The following ATG4A variants were observed in gnomAD, a reference collection of about 807,000 sequenced individuals.
The protein encoded by ATG4A is cysteine protease ATG4A.
A neutral mutation model predicts 38.4 loss-of-function variants in ATG4A; 22 were observed. The ratio of observed to expected loss-of-function variants is 0.57; its 90% CI spans 0.41 to 0.82. The LOEUF is 0.82. Among genes scored for constraint, ATG4A ranks in the 40% least tolerant of loss-of-function variants. ATG4A has a pLI of 0.00. For missense variants in ATG4A, 220 were observed against 290.0 expected, an observed-to-expected ratio of 0.76 and a Z score of 1.75; for synonymous variants, 86 against 100.7, an observed-to-expected ratio of 0.85 and a Z score of 0.88.
intron 1 of ATG4A, among the ~76,000 whole-genome samples, chrX:108,092,430 G>A (rs2031660029): frequency 8.9e-6 from 1 of 112,516 alleles, no homozygotes; most frequent in African/African-American, 3.2e-5. Flanking sequence ...CATAGCAGAA[G>A]CAATGCAAGA....
intron 1 of ATG4A, among the ~76,000 whole-genome samples, chrX:108,113,651 T>C (rs1474111880): frequency 9.0e-6 from 1 of 111,392 alleles, no homozygotes; most frequent in Non-Finnish European, 1.9e-5. Context: ...TCCACATGGC[T>C]GGGGAGGTCT....
intron 9 of ATG4A, among the ~76,000 whole-genome samples, chrX:108,149,139 T>C (rs913187679): frequency 1.8e-5 from 2 of 113,229 alleles, no homozygotes; most frequent in Non-Finnish European, 3.7e-5. Flanking sequence ...CAGAAACATG[T>C]AGATGTGCCC....
At position 108,137,159 on chromosome X, in the gene ATG4A, T is replaced by C; in HGVS notation, c.536T>C (p.Ile179Thr). 1 of 1,204,370 alleles carries C rather than the reference T, an allele frequency of 8.3e-7. No homozygotes were observed. Among genetic ancestry groups the C allele is most frequent in the Non-Finnish European group, 1.1e-6 (1 of 890,324 alleles). The change falls in exon 7 of 13, where the codon ATT (isoleucine) becomes ACT (threonine). Residue 179 changes from isoleucine (I) to threonine (T), a missense_variant. This residue lies in a region of ATG4A where 159 missense variants were observed against 188.9 expected (regional missense o/e 0.84). Transcript: ENST00000372232. ...GTTTCAATGGATAACACAGTGGTCA[T>C]TGAAGATATCAGTGAGTTACCAGCC... ...VYVSMDNTVV[I>T]EDIKKMCRVL... is the part of the protein sequence containing the mutation.
At chrX:108,135,288 G>T (rs139699024) in intron 6 of ATG4A, among the ~76,000 whole-genome samples, 26 of 112,341 alleles carry the variant, frequency 2.3e-4, no homozygotes, top group African/African-American at 8.4e-4. Flanking sequence ...GAAAATGGCC[G>T]CCAGAATCTG....
chrX:108,101,120 T>C (rs757049552), intron 1 of ATG4A, among the ~76,000 whole-genome samples: 6 of 111,161 alleles, frequency 5.4e-5, no homozygotes, highest in African/African-American at 2.0e-4. Context: ...CTAATTTCTA[T>C]TGAGTTGTGG....
At chrX:108,141,308 A>G (rs984207875) in intron 9 of ATG4A, among the ~76,000 whole-genome samples, 2 of 106,603 alleles carry the variant, frequency 1.9e-5, no homozygotes, top group African/African-American at 6.9e-5. Flanking sequence ...GGCTGAGGAA[A>G]AAGGCTGAGT....
rs749997311 is a variant in ATG4A at position 108,096,545 on chromosome X, T to A, written c.10+4709T>A. On this transcript the variant is annotated intron_variant, in intron 1 of 12. Coordinates refer to ENST00000372232, the MANE Select transcript of ATG4A (RefSeq NM_052936.5). ...AGTGACCTTTCACCATAAAAATGCA[T>A]CAAGTACTTGGATCTGATTGGTAGA... is the stretch of plus-strand genomic sequence containing the variant. 4.4e-5 allele frequency among the ~76,000 whole-genome samples: 5 copies of A among 112,416 alleles called. No homozygotes were observed. The South Asian group carries it at 1.8e-3, about 41-fold the overall frequency.
chrX:108,101,515 C>G (rs1245772380), intron 1 of ATG4A, among the ~76,000 whole-genome samples: 1 of 108,949 alleles, frequency 9.2e-6, no homozygotes, highest in Non-Finnish European at 1.9e-5. Context: ...CTAAGTTAAG[C>G]CTTTAGTGCA....
At chrX:108,140,936 A>T (rs1161637162) in intron 9 of ATG4A, among the ~76,000 whole-genome samples, 1 of 66,197 alleles carries the variant, frequency 1.5e-5, no homozygotes, top group African/African-American at 5.4e-5. Context: ...ACATATATAT[A>T]CATATATATA....
intron 1 of ATG4A, among the ~76,000 whole-genome samples, chrX:108,111,082 C>T (rs1419437592): frequency 9.0e-6 from 1 of 110,846 alleles, no homozygotes; most frequent in Non-Finnish European, 1.9e-5. Flanking sequence ...TTTTAAATAT[C>T]TTGTAGAGAC....
In ATG4A at chrX:108,105,205, G is replaced by A. The variant is rs1304482230; in HGVS notation, c.10+13369G>A. Among the ~76,000 whole-genome samples, 5 of 111,171 alleles carry A rather than the reference G, an allele frequency of 4.5e-5. No homozygotes were observed. In the Admixed American group the frequency reaches 4.8e-4, roughly 11 times the overall value. ...TGGGATCTGCACATCTGAAACATTG[G>A]TAACTTCTTTCAGTCATCATGGACT... On this transcript the variant is annotated intron_variant, in intron 1 of 12. Transcript: ENST00000372232.
At chrX:108,110,332 C>T (rs1237260726) in intron 1 of ATG4A, among the ~76,000 whole-genome samples, 2 of 107,257 alleles carry the variant, frequency 1.9e-5, no homozygotes, top group Non-Finnish European at 3.8e-5. Context: ...ATTGTGCCAC[C>T]GTACTCCAGC....
At chrX:108,115,094 TATGTGTGC>T (rs11270991) in intron 1 of ATG4A, among the ~76,000 whole-genome samples, 14 of 106,651 alleles carry the variant, frequency 1.3e-4, no homozygotes, top group Non-Finnish European at 2.3e-4. Context: ...ATTTGATGTG[TATGTGTGC>T]ATGTGTGCAT....
chrX:108,112,586 G>A (rs1466844782), intron 1 of ATG4A, among the ~76,000 whole-genome samples: 1 of 109,622 alleles, frequency 9.1e-6, no homozygotes, highest in Non-Finnish European at 1.9e-5. Flanking sequence ...TAGTAGAGAC[G>A]GGGTTTCACC....
chrX:108,137,867 T>C lies in ATG4A; in HGVS notation c.611T>C (p.Leu204Ser). ...DTAGDRPPDS[L>S]TASNQSKGTS... ...GCTGGTGACAGGCCTCCCGATTCTTTAACTGCTTCAAACCAGAGTAAGGGC... is the reference window on the plus strand; with the variant it reads ...GCTGGTGACAGGCCTCCCGATTCTTCAACTGCTTCAAACCAGAGTAAGGGC... Residue 204 changes from leucine (L) to serine (S), a missense_variant, in exon 8 of 13, where the codon TTA (leucine) becomes TCA (serine). Leu to Ser is a moderately radical substitution (Grantham distance 145). Transcript: ENST00000372232. 8.3e-7 allele frequency: 1 copy of C among 1,200,369 alleles called. No homozygotes were observed. The highest frequency in any genetic ancestry group is 1.8e-5 in the South Asian group (1 of 54,240).
intron 1 of ATG4A, among the ~76,000 whole-genome samples, chrX:108,107,030 TTTTA>T (rs974745940): frequency 9.0e-6 from 1 of 111,643 alleles, no homozygotes; most frequent in African/African-American, 3.3e-5. Flanking sequence ...ATATATACAA[TTTTA>T]TTTGTCAATT....
chrX:108,132,974 C>T (rs1413858445), intron 4 of ATG4A, among the ~76,000 whole-genome samples: 1 of 111,616 alleles, frequency 9.0e-6, no homozygotes, highest in Non-Finnish European at 1.9e-5. Flanking sequence ...GTAGAGTATT[C>T]ACTTGCCATT....
At chrX:108,093,517 C>T (rs940637525) in intron 1 of ATG4A, among the ~76,000 whole-genome samples, 3 of 112,006 alleles carry the variant, frequency 2.7e-5, no homozygotes, top group Non-Finnish European at 5.6e-5. Context: ...ACTAGTGCTG[C>T]TAAGAAGATT....
chrX:108,091,562 C>T, upstream of ATG4A: 1 of 1,141,390 alleles, frequency 8.8e-7, no homozygotes, highest in Non-Finnish European at 1.2e-6. Context: ...GCAACGCCCG[C>T]CTCACGTCGC....
Sources: allele counts gnomAD v4.1 joint callset (sites outside exome capture counted in the v4.1 genomes callset), GRCh38; gene constraint gnomAD v4.1.1; regional missense constraint gnomAD v4.1.1; transcripts MANE v1.5; gene names NCBI Gene and HGNC (gene_info 2026-07-23, HGNC 2026-07-21).